Variants in ZFHX4 observed in about 807,000 individuals in gnomAD.
ZFHX4 encodes the protein zinc finger homeobox 4, also known as zinc finger homeobox protein 4.
Under a neutral mutation model 267.6 loss-of-function variants are expected in ZFHX4, and 56 were observed. The ratio of observed to expected loss-of-function variants is 0.21; its 90% CI spans 0.17 to 0.26. The LOEUF is 0.26. Among genes scored for constraint, ZFHX4 ranks in the 10% least tolerant of loss-of-function variants. The pLI is 1.00. For synonymous variants in ZFHX4, 1,778 were observed against 1,665.6 expected (o/e 1.07, Z -1.64); for missense variants, 4,332 against 4,420.0 (o/e 0.98, Z 0.56).
intron 6 of ZFHX4, among the ~76,000 whole-genome samples, chr8:76,845,381 T>C (rs570606316): frequency 6.6e-6 from 1 of 152,072 alleles, no homozygotes; most frequent in African/African-American, 2.4e-5. Context: ...AAATGTAATA[T>C]GTCTCTGCCT....
chr8:76,714,410 G>T (rs1019528816), intron 3 of ZFHX4, among the ~76,000 whole-genome samples: 11 of 152,262 alleles, frequency 7.2e-5, no homozygotes, highest in Non-Finnish European at 1.5e-4. Context: ...GAACTTTGCT[G>T]GAAATGTTGC....
In ZFHX4 at chr8:76,863,817, A is replaced by T; in HGVS notation, c.10103A>T (p.Glu3368Val). The T allele has an allele frequency of 6.4e-7, 1 of 1,552,590 alleles. No individual in the cohort carries two copies. The highest frequency in any genetic ancestry group is 2.4e-5 in the East Asian group (1 of 40,960). Residue 3368 changes from glutamate to valine, a missense_variant, in exon 11 of 11, where the codon GAA (glutamate) becomes GTA (valine). Around this residue, in one of 7 missense-constraint regions of ZFHX4, gnomAD observed 1,648 missense variants for 1,625.0 expected, o/e 1.01. Coordinates refer to ENST00000651372, the MANE Select transcript of ZFHX4 (RefSeq NM_024721.5). ...TCCAACGATGCTTCAGAAACAAAGG[A>T]AGACAAAAGTACTGCTACAGAAAGC... The part of the protein sequence containing the change: ...QNSNDASETK[E>V]DKSTATESTK...
chr8:76,851,073 G>C lies in ZFHX4; in HGVS notation c.4152G>C (p.Arg1384Ser), dbSNP rs1244922272. 6.2e-7 allele frequency: 1 copy of C among 1,613,942 alleles called. No individual in the cohort carries two copies. The highest frequency in any genetic ancestry group is 8.5e-7 in the Non-Finnish European group (1 of 1,179,868). ...ATCAATTAAATGAACAGCAAAAAAG[G>C]CAACCGCTCTCTGTTTCTGACCGTC... ...LQDQLNEQQK[R>S]QPLSVSDRHV... is the part of the protein sequence containing the mutation. Residue 1384 changes from arginine to serine, a missense_variant, in exon 10 of 11, where the codon AGG becomes AGC. Physicochemically the swap from Arg to Ser is moderately radical, Grantham distance 110. Coordinates refer to ENST00000651372, the MANE Select transcript of ZFHX4 (RefSeq NM_024721.5).
chr8:76,708,101 CT>C (rs1273080681), intron 3 of ZFHX4, 53 bp downstream of exon 3: 1 of 1,602,444 alleles, frequency 6.2e-7, no homozygotes, highest in Non-Finnish European at 8.5e-7. Context: ...GGAATTAACT[CT>C]TTCAGAGCTT....
intron 4 of ZFHX4, among the ~76,000 whole-genome samples, chr8:76,785,729 C>G (rs1425612982): frequency 1.3e-5 from 2 of 152,112 alleles, no homozygotes; most frequent in Non-Finnish European, 2.9e-5. Flanking sequence ...AAAACCTTGT[C>G]TATAGATGCC....
intron 1 of ZFHX4, among the ~76,000 whole-genome samples, chr8:76,700,791 G>GT (rs1210636765): frequency 1.3e-5 from 2 of 152,090 alleles, no homozygotes; most frequent in Non-Finnish European, 2.9e-5. Context: ...ACTATGTTAG[G>GT]TTTTCTCTTC....
intron 3 of ZFHX4, among the ~76,000 whole-genome samples, chr8:76,739,731 A>G (rs2131680020): frequency 6.6e-6 from 1 of 152,308 alleles, no homozygotes; most frequent in African/African-American, 2.4e-5. Context: ...AGTAAATGGA[A>G]TGGTCAGGAG....
At chr8:76,765,714 T>C (rs1243960054) in intron 3 of ZFHX4, among the ~76,000 whole-genome samples, 4 of 152,114 alleles carry the variant, frequency 2.6e-5, no homozygotes, top group African/African-American at 9.6e-5. Flanking sequence ...ACAGATTATT[T>C]CCTGTCTATT....
Position 76,852,380 on chromosome 8 carries a change from C to T in ZFHX4, c.5459C>T (p.Pro1820Leu), listed in dbSNP as rs1245728260. ...CCTCAAAAACAACAGCAGCAGCCAC[C>T]ACCTCCACAGCAGCAGCAGCAACAG... is the stretch of plus-strand genomic sequence containing the variant. Reference protein sequence around the residue: ...LQPQKQQQQPPPPQQQQQQQA... With the variant: ...LQPQKQQQQPLPPQQQQQQQA... The change falls in exon 10 of 11, where the codon CCA becomes CTA. Residue 1820 changes from proline (P) to leucine (L), a missense_variant. Physicochemically the swap from Pro to Leu is moderately conservative, Grantham distance 98. Transcript: ENST00000651372. 1.9e-6 allele frequency: 3 copies of T among 1,553,896 alleles called. No individual in the cohort carries two copies. The highest frequency in any genetic ancestry group is 2.7e-5 in the African/African-American group (2 of 73,080).
intron 3 of ZFHX4, among the ~76,000 whole-genome samples, chr8:76,739,349 C>G (rs946495162): frequency 6.6e-6 from 1 of 152,114 alleles, no homozygotes; most frequent in Non-Finnish European, 1.5e-5. Flanking sequence ...AAGGAGCTAT[C>G]AACTGTGATA....
At chr8:76,756,740 TAGGCAGCAA>T (rs1809773980) in intron 3 of ZFHX4, among the ~76,000 whole-genome samples, 1 of 152,166 alleles carries the variant, frequency 6.6e-6, no homozygotes, top group South Asian at 2.1e-4. Context: ...TACCTTTTTC[TAGGCAGCAA>T]AGGTCCAAAT....
intron 6 of ZFHX4, among the ~76,000 whole-genome samples, chr8:76,843,266 C>T (rs1177653763): frequency 6.6e-6 from 1 of 152,106 alleles, no homozygotes; most frequent in Non-Finnish European, 1.5e-5. Flanking sequence ...AGGAATTTGC[C>T]CTTTTTTAGG....
At position 76,852,581 on chromosome 8, in the gene ZFHX4, A is replaced by G; in HGVS notation, c.5660A>G (p.Lys1887Arg). The change falls in exon 10 of 11, where the codon AAG becomes AGG. Residue 1887 changes from lysine (K) to arginine (R), a missense_variant. By Grantham distance (26) the Lys-to-Arg change is conservative. Around this residue, in one of 7 missense-constraint regions of ZFHX4, gnomAD observed 1,371 missense variants for 1,423.1 expected, o/e 0.96. Coordinates refer to ENST00000651372, the MANE Select transcript of ZFHX4 (RefSeq NM_024721.5). ...CTCAAAGAAGGCAAAGACACAAAGA[A>G]GCAAAAATCCTTGGAACCATCCATC... ...EGLKEGKDTK[K>R]QKSLEPSIPP... 2 of 1,611,916 alleles carry G rather than the reference A, an allele frequency of 1.2e-6. No homozygotes were observed. The highest frequency in any genetic ancestry group is 1.7e-6 in the Non-Finnish European group (2 of 1,178,852).
chr8:76,852,429 A>G lies in ZFHX4; in HGVS notation c.5508A>G (p.Gln1836=). 6.4e-7 allele frequency: 1 copy of G among 1,559,272 alleles called. No homozygotes were observed. Among genetic ancestry groups the G allele is most frequent in the Non-Finnish European group, 8.7e-7 (1 of 1,151,156 alleles). ...AGCAGGCAAGCAAATTATTGAAACA[A>G]GAGCAAAGTAACATAGTGAGTGCAG... ...QQQQASKLLK[Q]EQSNIVSADC... Residue 1836 remains glutamine, a synonymous_variant, in exon 10 of 11, where the codon CAA becomes CAG. Transcript: ENST00000651372.
chr8:76,792,999 T>A (rs1585950499), intron 4 of ZFHX4, among the ~76,000 whole-genome samples: 1 of 152,140 alleles, frequency 6.6e-6, no homozygotes, highest in Admixed American at 6.6e-5. Context: ...TAGCACTGAC[T>A]CCAGCCATTA....
chr8:76,789,181 G>A (rs528401628), intron 4 of ZFHX4, among the ~76,000 whole-genome samples: 1 of 152,272 alleles, frequency 6.6e-6, no homozygotes, highest in East Asian at 1.9e-4. Context: ...TCCACTCCTG[G>A]ATGAGTAGGA....
chr8:76,753,596 T>TTGTC (rs1416890735), intron 3 of ZFHX4, among the ~76,000 whole-genome samples: 1 of 151,752 alleles, frequency 6.6e-6, no homozygotes, highest in Non-Finnish European at 1.5e-5. Context: ...TTTCAATTGT[T>TTGTC]TGTCTGTCAC....
chr8:76,713,731 A>T (rs1455424344), intron 3 of ZFHX4, among the ~76,000 whole-genome samples: 1 of 152,198 alleles, frequency 6.6e-6, no homozygotes, highest in Non-Finnish European at 1.5e-5. Flanking sequence ...CAAAGGTGTA[A>T]TTGACTTAGA....
intron 3 of ZFHX4, among the ~76,000 whole-genome samples, chr8:76,765,981 T>C (rs73233415): frequency 0.017 from 2,593 of 152,190 alleles, 81 homozygotes; most frequent in African/African-American, 0.058. Flanking sequence ...GATATGACCA[T>C]ACTTAAAGAC....
Sources: gnomAD v4.1 joint callset for allele counts (sites outside exome capture counted in the v4.1 genomes callset) on GRCh38, gnomAD v4.1.1 for gene constraint, gnomAD v4.1.1 regional missense constraint, MANE v1.5 for transcripts, NCBI Gene and HGNC (gene_info 2026-07-23, HGNC 2026-07-21) for gene names.